VAT1L: variants seen among roughly 807,000 people sequenced by gnomAD.
VAT1L encodes the protein vesicle amine transport 1 like, also known as putative NADPH-dependent quinone oxidoreductase VAT1L.
A neutral mutation model predicts 44.1 loss-of-function variants in VAT1L; 34 were observed. The ratio of observed to expected loss-of-function variants is 0.77; its 90% CI spans 0.59 to 1.03. The LOEUF (loss-of-function observed/expected upper bound fraction) is 1.03. VAT1L is among the 50% of genes least tolerant of loss of function. The probability of loss-of-function intolerance (pLI) is 0.00; values close to 1 mark genes in which losing one functional copy is unlikely to be tolerated. For missense variants in VAT1L, 615 were observed against 538.8 expected (o/e 1.14, Z -1.40); for synonymous variants, 253 against 202.2 (o/e 1.25, Z -2.13).
At chr16:77,962,672 C>T (rs1371198318) in intron 7 of VAT1L, among the ~76,000 whole-genome samples, 1 of 150,804 alleles carries the variant, frequency 6.6e-6, no homozygotes, top group Non-Finnish European at 1.5e-5. Context: ...GGCTTCAATC[C>T]AGGAGTTCAA....
At chr16:77,958,028 C>T (rs958660302) in intron 7 of VAT1L, among the ~76,000 whole-genome samples, 1 of 152,082 alleles carries the variant, frequency 6.6e-6, no homozygotes, top group Non-Finnish European at 1.5e-5. Context: ...CTTCTTCTGC[C>T]TTCCAAGTAG....
intron 1 of VAT1L, among the ~76,000 whole-genome samples, chr16:77,811,336 C>T (rs188361641): frequency 4.6e-5 from 7 of 152,282 alleles, no homozygotes; most frequent in Non-Finnish European, 7.3e-5. Flanking sequence ...TAAACTATAG[C>T]TGGGCTGATT....
At chr16:77,956,349 G>A (rs982382204) in intron 7 of VAT1L, among the ~76,000 whole-genome samples, 6 of 152,110 alleles carry the variant, frequency 3.9e-5, no homozygotes, top group African/African-American at 1.4e-4. Context: ...AGAAAAGGGG[G>A]CCTATTTTTA....
chr16:77,972,077 A>G (rs1432768589), intron 8 of VAT1L, 144 bp downstream of exon 8: 1 of 696,868 alleles, frequency 1.4e-6, no homozygotes, highest in Non-Finnish European at 2.4e-6. Context: ...ATGATGTCAT[A>G]CATGAGGGAT....
At chr16:77,915,141 T>C (rs1317304814) in intron 7 of VAT1L, among the ~76,000 whole-genome samples, 1 of 151,512 alleles carries the variant, frequency 6.6e-6, no homozygotes, top group Non-Finnish European at 1.5e-5. Flanking sequence ...AAAAAAGAGT[T>C]GTTGGATTGG....
At chr16:77,925,980 G>A (rs574283227) in intron 7 of VAT1L, among the ~76,000 whole-genome samples, 3 of 152,214 alleles carry the variant, frequency 2.0e-5, no homozygotes, top group African/African-American at 7.2e-5. Flanking sequence ...ATAGGAGTCG[G>A]GGCCGGGTGC....
chr16:77,798,914 A>G (rs1463077210), intron 1 of VAT1L, among the ~76,000 whole-genome samples: 1 of 151,250 alleles, frequency 6.6e-6, no homozygotes, highest in Non-Finnish European at 1.5e-5. Context: ...CCTGCTGGCC[A>G]TCATGATGAG....
chr16:77,875,274 C>T (rs945934103), intron 4 of VAT1L, among the ~76,000 whole-genome samples: 2 of 152,098 alleles, frequency 1.3e-5, no homozygotes, highest in Admixed American at 6.5e-5. Flanking sequence ...GTCTCTGCAC[C>T]CAGGAGATGT....
intron 1 of VAT1L, among the ~76,000 whole-genome samples, chr16:77,816,376 G>T (rs1338462703): frequency 6.6e-6 from 1 of 152,162 alleles, no homozygotes; most frequent in East Asian, 1.9e-4. Flanking sequence ...ATTCACCATT[G>T]TGGGAGCTGT....
intron 1 of VAT1L, among the ~76,000 whole-genome samples, chr16:77,806,045 TAG>T (rs1313522759): frequency 1.3e-5 from 2 of 151,320 alleles, no homozygotes; most frequent in African/African-American, 4.8e-5. Context: ...ATATTTTTAG[TAG>T]AGTCAGGGTT....
chr16:77,962,280 G>A (rs1229019697), intron 7 of VAT1L, among the ~76,000 whole-genome samples: 1 of 152,158 alleles, frequency 6.6e-6, no homozygotes, highest in Non-Finnish European at 1.5e-5. Context: ...GTGGTCTTGG[G>A]GCCATTTGGG....
intron 7 of VAT1L, among the ~76,000 whole-genome samples, chr16:77,947,789 CTT>C (rs1567518542): frequency 2.0e-5 from 3 of 152,194 alleles, no homozygotes; most frequent in Admixed American, 6.5e-5. Context: ...GAGTTTCGCT[CTT>C]GTTGTCCAGG....
At chr16:77,850,257 G>A (rs2016795028) in intron 3 of VAT1L, among the ~76,000 whole-genome samples, 1 of 152,174 alleles carries the variant, frequency 6.6e-6, no homozygotes, top group Non-Finnish European at 1.5e-5. Flanking sequence ...GTTTGATTCC[G>A]TGTAAGGCTG....
chr16:77,805,788 T>C (rs1048332053), intron 1 of VAT1L, among the ~76,000 whole-genome samples: 1 of 151,926 alleles, frequency 6.6e-6, no homozygotes, highest in Non-Finnish European at 1.5e-5. Flanking sequence ...TTCATAGATT[T>C]TCCCCAAGCA....
intron 1 of VAT1L, among the ~76,000 whole-genome samples, chr16:77,794,074 A>T (rs1174659448): frequency 6.6e-6 from 1 of 152,178 alleles, no homozygotes; most frequent in African/African-American, 2.4e-5. Context: ...CTAAAACCCA[A>T]ATGGCTCTTT....
intron 1 of VAT1L, among the ~76,000 whole-genome samples, chr16:77,809,456 G>T (rs555561329): frequency 2.8e-5 from 2 of 72,014 alleles, no homozygotes; most frequent in Non-Finnish European, 6.7e-5. Context: ...ATTCTTTTTT[G>T]ATCTTTTTTT....
chr16:77,797,018 T>C (rs2015947710), intron 1 of VAT1L, among the ~76,000 whole-genome samples: 1 of 152,042 alleles, frequency 6.6e-6, no homozygotes, highest in Non-Finnish European at 1.5e-5. Flanking sequence ...TGCCTAATGG[T>C]ACAGTGGTCA....
intron 2 of VAT1L, among the ~76,000 whole-genome samples, chr16:77,824,648 C>T (rs2447786): frequency 0.17 from 26,140 of 149,582 alleles, 2,422 homozygotes; most frequent in Admixed American, 0.22. Flanking sequence ...CCCAGCTACT[C>T]GGGAGGCTGA....
chr16:77,798,374 G>C (rs1461758713), intron 1 of VAT1L, among the ~76,000 whole-genome samples: 1 of 152,182 alleles, frequency 6.6e-6, no homozygotes, highest in African/African-American at 2.4e-5. Context: ...TTAGCAACCT[G>C]TATAACCTTG....
Sources: gnomAD v4.1 joint callset for allele counts (sites outside exome capture counted in the v4.1 genomes callset) on GRCh38, gnomAD v4.1.1 for gene constraint, MANE v1.5 for transcripts, NCBI Gene and HGNC (gene_info 2026-07-23, HGNC 2026-07-21) for gene names.